CNTN6: variants seen among roughly 807,000 people sequenced by gnomAD.
CNTN6 encodes contactin 6.
In CNTN6, 137 loss-of-function variants were observed where a neutral mutation model predicts 122.8. That is an observed-to-expected ratio of 1.12 (90% CI 0.97 to 1.29). CNTN6 has a LOEUF of 1.29. CNTN6 is among the 50% of genes most tolerant of loss of function. CNTN6 has a pLI of 0.00. For synonymous variants in CNTN6, 570 were observed against 426.0 expected (o/e 1.34, Z -4.16); for missense variants, 1,634 against 1,223.4 (o/e 1.34, Z -5.01).
At chr3:1,388,322 G>A (rs962200099) in intron 20 of CNTN6, among the ~76,000 whole-genome samples, 9 of 145,890 alleles carry the variant, frequency 6.2e-5, no homozygotes, top group Admixed American at 1.4e-4. Flanking sequence ...CACACGGCAG[G>A]GTATGCCAAC....
chr3:1,325,003 A>G (rs941682925), intron 8 of CNTN6, among the ~76,000 whole-genome samples: 1 of 151,786 alleles, frequency 6.6e-6, no homozygotes, highest in Non-Finnish European at 1.5e-5. Context: ...GACAGAACTA[A>G]ATAAAGGAGA....
chr3:1,250,808 C>G (rs1458578382), intron 4 of CNTN6, among the ~76,000 whole-genome samples: 2 of 152,190 alleles, frequency 1.3e-5, no homozygotes, highest in East Asian at 3.9e-4. Flanking sequence ...TGGCTTCCAT[C>G]TGAAGATGCT....
intron 1 of CNTN6, among the ~76,000 whole-genome samples, chr3:1,145,719 A>T (rs927474496): frequency 6.6e-6 from 1 of 152,186 alleles, no homozygotes; most frequent in African/African-American, 2.4e-5. Context: ...TGACATCTAT[A>T]TAGAGATAAT....
intron 11 of CNTN6, among the ~76,000 whole-genome samples, chr3:1,330,757 A>G (rs556184182): frequency 1.3e-5 from 2 of 152,018 alleles, no homozygotes; most frequent in African/African-American, 4.8e-5. Flanking sequence ...GGGCAGGTAA[A>G]AGGCCAGGTG....
At chr3:1,175,728 G>A (rs1427618963) in intron 2 of CNTN6, among the ~76,000 whole-genome samples, 1 of 152,148 alleles carries the variant, frequency 6.6e-6, no homozygotes, top group African/African-American at 2.4e-5. Context: ...TTGTGAGAGT[G>A]GAAAGAATGA....
intron 1 of CNTN6, among the ~76,000 whole-genome samples, chr3:1,115,163 T>C (rs1000382110): frequency 1.3e-5 from 2 of 152,122 alleles, no homozygotes; most frequent in Non-Finnish European, 2.9e-5. Flanking sequence ...AAATGTAACA[T>C]ATGCACATAG....
At chr3:1,207,672 C>T (rs1002009969) in intron 2 of CNTN6, among the ~76,000 whole-genome samples, 6 of 151,986 alleles carry the variant, frequency 3.9e-5, no homozygotes, top group Admixed American at 3.9e-4. Context: ...ATGCCTCCCT[C>T]AATTAGAATA....
In CNTN6 at chr3:1,372,430, A is replaced by T. The variant is rs1709175072; in HGVS notation, c.1624A>T (p.Ile542Leu). The change falls in exon 13 of 23, where the codon ATA becomes TTA. Residue 542 changes from isoleucine to leucine, a missense_variant. Physicochemically the swap from Ile to Leu is conservative, Grantham distance 5. Transcript: ENST00000446702. Reference protein sequence around the residue: ...VFVWFFNGDVIDLKKGVAHFE... With the variant: ...VFVWFFNGDVLDLKKGVAHFE... ...TGTATGGTTTTTCAATGGAGATGTC[A>T]TAGACTTAAAAAAAGGAGTGGCTCA... is the stretch of plus-strand genomic sequence containing the variant. 6.2e-7 allele frequency: 1 copy of T among 1,612,672 alleles called. No individual in the cohort carries two copies. Among genetic ancestry groups the T allele is most frequent in the African/African-American group, 1.3e-5 (1 of 74,946 alleles).
chr3:1,373,025 G>A (rs1709294877), intron 14 of CNTN6, 70 bp downstream of exon 14: 5 of 884,522 alleles, frequency 5.7e-6, no homozygotes, highest in Admixed American at 2.3e-5. Context: ...CTAAATTGTA[G>A]ACCTCTGAGA....
At chr3:1,260,883 T>C (rs1349653057) in intron 4 of CNTN6, among the ~76,000 whole-genome samples, 1 of 152,106 alleles carries the variant, frequency 6.6e-6, no homozygotes, top group Non-Finnish European at 1.5e-5. Context: ...GTGAGCCAAT[T>C]AAACCTCTTT....
At chr3:1,310,398 C>T (rs1699041636) in intron 7 of CNTN6, among the ~76,000 whole-genome samples, 1 of 152,024 alleles carries the variant, frequency 6.6e-6, no homozygotes, top group African/African-American at 2.4e-5. Context: ...TTCTTCTATT[C>T]ATTAGTGGAT....
intron 4 of CNTN6, among the ~76,000 whole-genome samples, chr3:1,271,906 T>A (rs1025733569): frequency 2.6e-5 from 4 of 152,170 alleles, no homozygotes; most frequent in Admixed American, 1.3e-4. Flanking sequence ...GATATGGTTT[T>A]AATGTATCCC....
At chr3:1,108,822 T>C (rs1254660298) in intron 1 of CNTN6, among the ~76,000 whole-genome samples, 1 of 152,114 alleles carries the variant, frequency 6.6e-6, no homozygotes, top group Non-Finnish European at 1.5e-5. Context: ...TAAGATTTAC[T>C]ATTTTGTAAG....
intron 5 of CNTN6, among the ~76,000 whole-genome samples, chr3:1,283,178 C>G (rs1559703820): frequency 6.6e-6 from 1 of 152,114 alleles, no homozygotes; most frequent in Non-Finnish European, 1.5e-5. Context: ...GGGTCTCCAA[C>G]TCCTGGCCTC....
At chr3:1,262,667 T>C (rs1337756052) in intron 4 of CNTN6, among the ~76,000 whole-genome samples, 1 of 152,194 alleles carries the variant, frequency 6.6e-6, no homozygotes, top group Non-Finnish European at 1.5e-5. Flanking sequence ...CCTTATGGCA[T>C]TGTGCTAAAG....
At chr3:1,384,728 CACAT>C (rs1657242282) in intron 19 of CNTN6, among the ~76,000 whole-genome samples, 1 of 130,054 alleles carries the variant, frequency 7.7e-6, no homozygotes, top group Admixed American at 7.8e-5. Flanking sequence ...TATATATACA[CACAT>C]ATATATACAT....
chr3:1,170,219 A>G (rs1293695731), intron 2 of CNTN6, among the ~76,000 whole-genome samples: 1 of 136,720 alleles, frequency 7.3e-6, no homozygotes, highest in East Asian at 2.2e-4. Flanking sequence ...CCTGGATGAC[A>G]GAGTAAGGCT....
intron 17 of CNTN6, among the ~76,000 whole-genome samples, chr3:1,382,739 T>TTAAAC (rs1553708501): frequency 2.0e-5 from 3 of 152,192 alleles, no homozygotes; most frequent in Admixed American, 6.5e-5. Context: ...ATCTGAAAAC[T>TTAAAC]TAAACTATTT....
intron 4 of CNTN6, among the ~76,000 whole-genome samples, chr3:1,264,928 T>C (rs761775620): frequency 2.0e-5 from 3 of 152,076 alleles, no homozygotes; most frequent in Non-Finnish European, 4.4e-5. Flanking sequence ...GAATTTAACT[T>C]TTTTGATTCC....
Sources: gnomAD v4.1 joint callset for allele counts (sites outside exome capture counted in the v4.1 genomes callset) on GRCh38, gnomAD v4.1.1 for gene constraint, MANE v1.5 for transcripts, NCBI Gene and HGNC (gene_info 2026-07-23, HGNC 2026-07-21) for gene names.